The following DPYSL2 variants were observed in gnomAD, a reference collection of about 807,000 sequenced individuals.
DPYSL2 encodes the protein dihydropyrimidinase-related protein 2.
Under a neutral mutation model 69.9 loss-of-function variants are expected in DPYSL2, and 13 were observed. That is an observed-to-expected ratio of 0.19 (90% confidence interval 0.12 to 0.30). DPYSL2 has a LOEUF of 0.30. Among genes scored for constraint, DPYSL2 ranks in the 10% least tolerant of loss-of-function variants. The pLI, the probability that DPYSL2 is intolerant of heterozygous loss-of-function variation, is 1.00. For synonymous variants in DPYSL2, 326 were observed against 359.1 expected (o/e 0.91, Z 1.04); for missense variants, 587 against 918.9 (o/e 0.64, Z 4.67).
intron 7 of DPYSL2, among the ~76,000 whole-genome samples, chr8:26,633,025 C>T (rs1802815108): frequency 1.3e-5 from 2 of 152,174 alleles, no homozygotes; most frequent in Non-Finnish European, 2.9e-5. Flanking sequence ...ATCTTTTGGC[C>T]AAGCTCTGGT....
chr8:26,596,866 T>C (rs1361982801), intron 3 of DPYSL2, among the ~76,000 whole-genome samples: 1 of 152,186 alleles, frequency 6.6e-6, no homozygotes, highest in Non-Finnish European at 1.5e-5. Flanking sequence ...TGAAAGCTGC[T>C]TTGTGCCCAG....
At chr8:26,536,534 A>G (rs1800595796) in intron 1 of DPYSL2, among the ~76,000 whole-genome samples, 1 of 152,014 alleles carries the variant, frequency 6.6e-6, no homozygotes, top group African/African-American at 2.4e-5. Flanking sequence ...AGCCAGGGGT[A>G]GTGGCACACA....
rs1476987041 is a variant in DPYSL2, at chr8:26,597,428, C to T, written c.628+13445C>T. On this transcript the variant is annotated intron_variant, in intron 3 of 13. Transcript: ENST00000521913. This position sits in a 1 kb window ranked among gnomAD's most constrained non-coding sequence, Gnocchi z 5.2. ...TTATGAGGTTCATTAGGCTCAGCAC[C>T]TCCCATGTCTGCTTGGGAAACACCA... 6.6e-6 allele frequency among the ~76,000 whole-genome samples: 1 copy of T among 152,182 alleles called. No homozygotes were observed. Among genetic ancestry groups the T allele is most frequent in the Non-Finnish European group, 1.5e-5 (1 of 68,040 alleles).
At chr8:26,601,618 C>G (rs1435853858) in intron 3 of DPYSL2, among the ~76,000 whole-genome samples, 1 of 151,858 alleles carries the variant, frequency 6.6e-6, no homozygotes, top group Non-Finnish European at 1.5e-5. Context: ...ACCTTGTGAT[C>G]CGCCCGTCTT....
chr8:26,536,004 C>T (rs1298078670), intron 1 of DPYSL2, among the ~76,000 whole-genome samples: 1 of 151,734 alleles, frequency 6.6e-6, no homozygotes, highest in Non-Finnish European at 1.5e-5. Context: ...TCACCACAGC[C>T]CCAACTTCCC....
Position 26,607,933 on chromosome 8 carries a change from C to T in DPYSL2, c.629-16210C>T, listed in dbSNP as rs188575131. ...TCCCTACTAAAAACAAAAAATTAGC[C>T]GGGCATAGTGGCACGCACCTGTAGT... On this transcript the variant is annotated intron_variant, in intron 3 of 13. Coordinates refer to ENST00000521913, the MANE Select transcript of DPYSL2 (RefSeq NM_001197293.3). Among the ~76,000 whole-genome samples, 274 of 151,828 alleles carry T rather than the reference C, an allele frequency of 1.8e-3. 1 individual carries two copies. Among genetic ancestry groups the T allele is most frequent in the African/African-American group, 5.7e-3 (234 of 41,400 alleles).
chr8:26,606,480 A>G (rs1270981574), intron 3 of DPYSL2, among the ~76,000 whole-genome samples: 1 of 152,104 alleles, frequency 6.6e-6, no homozygotes, highest in Non-Finnish European at 1.5e-5. Context: ...ACGAAGTAGG[A>G]CATTCGACTT....
rs1585569198 is a variant in DPYSL2 at position 26,643,398 on chromosome 8, T to G, written c.1127-41T>G. The G allele has an allele frequency of 6.5e-7, 1 of 1,537,156 alleles. No homozygotes were observed. The highest frequency in any genetic ancestry group is 2.3e-5 in the East Asian group (1 of 43,962). On this transcript the variant is annotated intron_variant, in intron 8 of 13. Transcript: ENST00000521913. This position sits in a 1 kb window ranked among gnomAD's most constrained non-coding sequence, Gnocchi z 6.5. Reference sequence around the variant, plus strand: ...CTCATAGGGGTGGTTCCCTTCCCCCTGCATTGTGTTGGACTGAACCTTGTG... The same window carrying G: ...CTCATAGGGGTGGTTCCCTTCCCCCGGCATTGTGTTGGACTGAACCTTGTG...
In DPYSL2 at chr8:26,580,952, T is replaced by A. The variant is rs1233569570; in HGVS notation, c.355-1017T>A. Among the ~76,000 whole-genome samples the A allele has an allele frequency of 6.6e-6, 1 of 152,234 alleles. No individual in the cohort carries two copies. The highest frequency in any genetic ancestry group is 2.4e-5 in the African/African-American group (1 of 41,452). On this transcript the variant is annotated intron_variant, in intron 1 of 13. Coordinates refer to ENST00000521913, the MANE Select transcript of DPYSL2 (RefSeq NM_001197293.3). The surrounding 1 kb of genome is among the most constrained non-coding windows in gnomAD (Gnocchi z 4.1). ...CACATTCTCAGACTTTATCTGCTGC[T>A]TGTCCTTTATTTTTTAGCATAAATA...
chr8:26,528,420 G>C (rs568234252), intron 1 of DPYSL2, among the ~76,000 whole-genome samples: 1 of 152,058 alleles, frequency 6.6e-6, no homozygotes, highest in Admixed American at 6.6e-5. Flanking sequence ...AGGCTGAGGC[G>C]GGTGGATCCC....
intron 1 of DPYSL2, among the ~76,000 whole-genome samples, chr8:26,568,702 G>T (rs1303059796): frequency 1.0e-5 from 1 of 97,798 alleles, no homozygotes. Context: ...ATTCTTTTAA[G>T]AGATGAAAAC....
chr8:26,636,589 G>A (rs757008775), intron 8 of DPYSL2, among the ~76,000 whole-genome samples: 35 of 152,276 alleles, frequency 2.3e-4, no homozygotes, highest in South Asian at 8.3e-4. Context: ...AGGTGGAGTC[G>A]TGGGCCAGCC....
rs1198033744 is a variant in DPYSL2 at position 26,597,661 on chromosome 8, A to T, written c.628+13678A>T. Among the ~76,000 whole-genome samples, 2 of 151,746 alleles carry T rather than the reference A, an allele frequency of 1.3e-5. No homozygotes were observed. The highest frequency in any genetic ancestry group is 4.8e-5 in the African/African-American group (2 of 41,310). On this transcript the variant is annotated intron_variant, in intron 3 of 13. Transcript: ENST00000521913. This position sits in a 1 kb window ranked among gnomAD's most constrained non-coding sequence, Gnocchi z 5.2. The stretch of plus-strand genomic sequence containing the variant: ...AACTAATATTTTGTATTTTTAGTAG[A>T]GATGGGGTTTCACTGTTTTAGCCAG...
At chr8:26,527,080 T>C (rs1808490737) in intron 1 of DPYSL2, among the ~76,000 whole-genome samples, 1 of 152,240 alleles carries the variant, frequency 6.6e-6, no homozygotes, top group Non-Finnish European at 1.5e-5. Flanking sequence ...ATTCAGATTT[T>C]ATTAAATATG....
At chr8:26,608,853 G>C (rs1802164652) in intron 3 of DPYSL2, among the ~76,000 whole-genome samples, 1 of 152,164 alleles carries the variant, frequency 6.6e-6, no homozygotes, top group South Asian at 2.1e-4. Context: ...GCTTTAGAGC[G>C]ATCTCAGTCA....
At position 26,582,758 on chromosome 8, in the gene DPYSL2, A is replaced by G. The variant is rs1021804798; in HGVS notation, c.443+701A>G. ...TCCCGGGGCTCTGGAGAAATAGCACATCTGTTTGAAGACAAACACTGCAGC... is the reference window on the plus strand; with the variant it reads ...TCCCGGGGCTCTGGAGAAATAGCACGTCTGTTTGAAGACAAACACTGCAGC... On this transcript the variant is annotated intron_variant, in intron 2 of 13. Transcript: ENST00000521913. The surrounding 1 kb of genome is among the most constrained non-coding windows in gnomAD (Gnocchi z 4.1). 1.1e-4 allele frequency among the ~76,000 whole-genome samples: 17 copies of G among 152,228 alleles called. No individual in the cohort carries two copies. The highest frequency in any genetic ancestry group is 4.1e-4 in the African/African-American group (17 of 41,458).
intron 3 of DPYSL2, among the ~76,000 whole-genome samples, chr8:26,608,575 G>C (rs1299654440): frequency 1.3e-5 from 2 of 152,174 alleles, no homozygotes; most frequent in African/African-American, 2.4e-5. Flanking sequence ...TGGACTCCCA[G>C]CTGTCCACAC....
At position 26,647,734 on chromosome 8, in the gene DPYSL2, C is replaced by T. The variant is rs757945823; in HGVS notation, c.1530C>T (p.Ser510=). ...YPRKGRIAVG[S]DADLVIWDPD... ...GGAAAGGCCGCATTGCTGTGGGATC[C>T]GATGCCGACCTGGTCATCTGGGACC... Residue 510 remains serine, a synonymous_variant, in exon 11 of 14, where the codon TCC becomes TCT. Coordinates refer to ENST00000521913, the MANE Select transcript of DPYSL2 (RefSeq NM_001197293.3). The surrounding 1 kb of genome is among the most constrained non-coding windows in gnomAD (Gnocchi z 5.1). 158 of 1,613,954 alleles carry T rather than the reference C, an allele frequency of 9.8e-5. 1 individual carries two copies. In the Admixed American group the frequency reaches 2.3e-3, roughly 23 times the overall value.
rs114759169 is a variant in DPYSL2, at chr8:26,626,344, A to T, written c.794-273A>T. Among the ~76,000 whole-genome samples the T allele has an allele frequency of 6.6e-6, 1 of 152,302 alleles. No individual in the cohort carries two copies. The highest frequency in any genetic ancestry group is 2.4e-5 in the African/African-American group (1 of 41,552). On this transcript the variant is annotated intron_variant, in intron 4 of 13. Coordinates refer to ENST00000521913, the MANE Select transcript of DPYSL2 (RefSeq NM_001197293.3). This position sits in a 1 kb window ranked among gnomAD's most constrained non-coding sequence, Gnocchi z 4.3. ...ACTTTTAATTTTGATATACTTGTAA[A>T]CTTACAGGAAGATTATAAGAATACT... is the stretch of plus-strand genomic sequence containing the variant.
Sources: gnomAD v4.1 joint callset for allele counts (sites outside exome capture counted in the v4.1 genomes callset) on GRCh38, gnomAD v4.1.1 for gene constraint, Gnocchi (gnomAD v3.1) non-coding constraint, MANE v1.5 for transcripts, NCBI Gene and HGNC (gene_info 2026-07-23, HGNC 2026-07-21) for gene names.